NOX4: variants seen among roughly 807,000 people sequenced by gnomAD.
The protein encoded by NOX4 is NADPH oxidase 4.
In NOX4, 69 loss-of-function variants were observed where a neutral mutation model predicts 87.6. The observed-to-expected ratio is 0.79, with a 90% CI of 0.65 to 0.96. The LOEUF (loss-of-function observed/expected upper bound fraction) is 0.96, where lower values mean the gene tolerates loss of function less well. NOX4 is among the 40% of genes least tolerant of loss of function. The pLI, the probability that NOX4 is intolerant of heterozygous loss-of-function variation, is 0.00. For synonymous variants in NOX4, 275 were observed against 238.2 expected (o/e 1.15, Z -1.42); for missense variants, 680 against 681.5 (o/e 1.00, Z 0.02).
At chr11:89,495,807 T>A (rs1432449865), upstream of NOX4, among the ~76,000 whole-genome samples, 2 of 152,208 alleles carry the variant, frequency 1.3e-5, no homozygotes, top group Non-Finnish European at 2.9e-5. Context: ...TCAGTAAGAT[T>A]TCTTAACCAT....
intron 16 of NOX4, among the ~76,000 whole-genome samples, chr11:89,337,232 C>A (rs1945755429): frequency 1.3e-5 from 2 of 152,082 alleles, no homozygotes; most frequent in Non-Finnish European, 2.9e-5. Context: ...AGGGGAGGGG[C>A]AGACTCAAAA....
chr11:89,473,052 G>T (rs993297561), intron 2 of NOX4, among the ~76,000 whole-genome samples: 3 of 151,918 alleles, frequency 2.0e-5, no homozygotes, highest in African/African-American at 7.3e-5. Flanking sequence ...AATATTTTTT[G>T]GTTCATCTAT....
At chr11:89,447,192 T>G (rs1244297191) in intron 4 of NOX4, among the ~76,000 whole-genome samples, 1 of 152,138 alleles carries the variant, frequency 6.6e-6, no homozygotes, top group Non-Finnish European at 1.5e-5. Flanking sequence ...AAATACTATT[T>G]ACACAAAACT....
At chr11:89,510,338 TGCC>T in the NOX4 span, among the ~76,000 whole-genome samples, 1 of 152,116 alleles carries the variant, frequency 6.6e-6, no homozygotes, top group African/African-American at 2.4e-5. Flanking sequence ...AGCTTCTATT[TGCC>T]TTAGCTGAGA....
the NOX4 span, among the ~76,000 whole-genome samples, chr11:89,504,460 G>A: frequency 1.3e-5 from 2 of 151,920 alleles, no homozygotes; most frequent in Admixed American, 1.3e-4. Context: ...ACAGGATGTG[G>A]CAATAGAGGG....
intron 17 of NOX4, among the ~76,000 whole-genome samples, chr11:89,329,987 T>C (rs1378568097): frequency 1.3e-5 from 2 of 152,094 alleles, no homozygotes; most frequent in South Asian, 2.1e-4. Flanking sequence ...ATAAAATATT[T>C]ATTTTGTCTA....
At chr11:89,423,157 C>T (rs1222899461) in intron 7 of NOX4, among the ~76,000 whole-genome samples, 4 of 152,074 alleles carry the variant, frequency 2.6e-5, no homozygotes, top group Non-Finnish European at 4.4e-5. Context: ...AAGGGATACA[C>T]CTTTTTAATG....
intron 7 of NOX4, among the ~76,000 whole-genome samples, chr11:89,423,929 T>C (rs543259500): frequency 1.3e-5 from 2 of 151,896 alleles, no homozygotes; most frequent in East Asian, 3.9e-4. Context: ...AAATTAGGCA[T>C]GGTGGTGTGT....
intron 2 of NOX4, among the ~76,000 whole-genome samples, chr11:89,458,696 G>C (rs1443905847): frequency 6.6e-6 from 1 of 152,076 alleles, no homozygotes; most frequent in Non-Finnish European, 1.5e-5. Flanking sequence ...ACAAGCATAT[G>C]AAAACAATAT....
the NOX4 span, among the ~76,000 whole-genome samples, chr11:89,519,774 T>C: frequency 3.3e-5 from 5 of 152,076 alleles, no homozygotes; most frequent in Non-Finnish European, 7.4e-5. Flanking sequence ...AACATTTATA[T>C]TCAGAGTCTC....
intron 2 of NOX4, among the ~76,000 whole-genome samples, chr11:89,459,899 G>C (rs1285293721): frequency 2.0e-5 from 3 of 152,146 alleles, no homozygotes; most frequent in Non-Finnish European, 4.4e-5. Context: ...CACACTACTT[G>C]ACTTCAAACT....
intron 12 of NOX4, among the ~76,000 whole-genome samples, chr11:89,357,515 C>G (rs1938162065): frequency 6.6e-6 from 1 of 152,062 alleles, no homozygotes. Flanking sequence ...TTATGCAGTA[C>G]TCATTAAATG....
chr11:89,531,954 C>G, the NOX4 span, among the ~76,000 whole-genome samples: 6 of 152,186 alleles, frequency 3.9e-5, no homozygotes, highest in Admixed American at 3.9e-4. Context: ...AAGCCCCAAG[C>G]CTTGGCAGCT....
At chr11:89,451,633 A>C in intron 3 of NOX4, 152 bp downstream of exon 3, 1 of 591,782 alleles carries the variant, frequency 1.7e-6, no homozygotes. Flanking sequence ...AATAACTCAC[A>C]GATCATCTTG....
chr11:89,324,774 A>G lies in NOX4; in HGVS notation c.*1982T>C, dbSNP rs1466209188. On this transcript the variant is annotated 3_prime_UTR_variant, in exon 18 of 18. Transcript: ENST00000263317. ...TCTTTTTAATCTAAAGACTGTTGTC[A>G]AGACATACTAGTTATTAAATATGCC... 1.3e-5 allele frequency: 2 copies of G among 152,234 alleles called. No individual in the cohort carries two copies. Among genetic ancestry groups the G allele is most frequent in the Admixed American group, 6.5e-5 (1 of 15,280 alleles). The allele number at this position is 152,234 out of a possible 1,614,324, so 9.4% of individuals were successfully genotyped here.
chr11:89,396,444 C>G (rs557412170), intron 11 of NOX4, among the ~76,000 whole-genome samples: 21 of 152,182 alleles, frequency 1.4e-4, no homozygotes, highest in Admixed American at 3.9e-4. Context: ...ATCATGTTAT[C>G]TGCAAACAGG....
chr11:89,407,945 C>T (rs547922268), intron 8 of NOX4, among the ~76,000 whole-genome samples: 4 of 151,274 alleles, frequency 2.6e-5, no homozygotes, highest in Non-Finnish European at 4.4e-5. Flanking sequence ...AAATTCTTAT[C>T]CCTTAGGAAC....
chr11:89,364,725 A>T (rs1220285623), intron 12 of NOX4, among the ~76,000 whole-genome samples: 1 of 152,088 alleles, frequency 6.6e-6, no homozygotes, highest in East Asian at 1.9e-4. Flanking sequence ...CTATACCAAA[A>T]TTTATCTACT....
chr11:89,400,256 T>A lies in NOX4; in HGVS notation c.970A>T (p.Ile324Phe). The A allele has an allele frequency of 6.2e-7, 1 of 1,612,962 alleles. No homozygotes were observed. The highest frequency in any genetic ancestry group is 8.5e-7 in the Non-Finnish European group (1 of 1,179,282). Residue 324 changes from isoleucine to phenylalanine, a missense_variant, in exon 10 of 18, where the codon ATC becomes TTC. By Grantham distance (21) the Ile-to-Phe change is conservative. Coordinates refer to ENST00000263317, the MANE Select transcript of NOX4 (RefSeq NM_016931.5). The stretch of plus-strand genomic sequence containing the variant: ...TTAAAATTTTCTTTGACCATTCGGA[T>A]TTCCATGACATCTGAGGGATGACTC... ...VMSHPSDVME[I>F]RMVKENFKAR...
Sources: allele counts gnomAD v4.1 joint callset (sites outside exome capture counted in the v4.1 genomes callset), GRCh38; gene constraint gnomAD v4.1.1; transcripts MANE v1.5; gene names NCBI Gene and HGNC (gene_info 2026-07-23, HGNC 2026-07-21).